The following ANKS1B variants were observed in gnomAD, a reference collection of about 807,000 sequenced individuals.
The protein encoded by ANKS1B is ankyrin repeat and sterile alpha motif domain-containing protein 1B.
In ANKS1B, 36 loss-of-function variants were observed where a neutral mutation model predicts 148.3. The ratio of observed to expected loss-of-function variants is 0.24; its 90% CI spans 0.19 to 0.32. The LOEUF is 0.32. ANKS1B is among the 10% of genes least tolerant of loss of function. The pLI is 1.00. For synonymous variants in ANKS1B, 542 were observed against 560.8 expected (o/e 0.97, Z 0.47); for missense variants, 1,157 against 1,542.6 (o/e 0.75, Z 4.19).
intron 10 of ANKS1B, among the ~76,000 whole-genome samples, chr12:99,468,911 A>G: frequency 6.6e-6 from 1 of 152,054 alleles, no homozygotes; most frequent in East Asian, 1.9e-4. Flanking sequence ...AACTAGAAAT[A>G]CCATTTGACC....
rs985230200 is a variant in ANKS1B at position 99,281,821 on chromosome 12, TAAAC to T, written c.1757-34961_1757-34958del. Among the ~76,000 whole-genome samples the T allele has an allele frequency of 4.6e-5, 7 of 152,286 alleles. No individual in the cohort carries two copies. In the South Asian group the frequency reaches 6.2e-4, roughly 14 times the overall value. Reference sequence around the variant, plus strand: ...CATCACTATTAATTAATTCATCAATTAAACAAGTGTGTACTGAGAACCTACTAAA... The same window carrying T: ...CATCACTATTAATTAATTCATCAATTAAGTGTGTACTGAGAACCTACTAAA... On this transcript the variant is annotated intron_variant, in intron 12 of 26. Transcript: ENST00000683438.
At chr12:99,449,939 CTAT>C in intron 10 of ANKS1B, among the ~76,000 whole-genome samples, 1 of 105,470 alleles carries the variant, frequency 9.5e-6, no homozygotes, top group Non-Finnish European at 2.0e-5. Context: ...ATCTATCTAT[CTAT>C]CTATCTAGAC....
At chr12:99,843,845 A>G (rs574686838) in intron 1 of ANKS1B, among the ~76,000 whole-genome samples, 31 of 152,198 alleles carry the variant, frequency 2.0e-4, no homozygotes, top group African/African-American at 7.5e-4. Flanking sequence ...GTCTTCCACA[A>G]TGTTGAACTA....
intron 14 of ANKS1B, among the ~76,000 whole-genome samples, chr12:99,217,060 G>A (rs753508778): frequency 6.6e-6 from 1 of 152,120 alleles, no homozygotes; most frequent in Non-Finnish European, 1.5e-5. Context: ...AATAACATGG[G>A]CCCTGATGAT....
At chr12:99,408,633 G>C (rs11830087) in intron 11 of ANKS1B, among the ~76,000 whole-genome samples, 2,912 of 145,384 alleles carry the variant, frequency 0.02, 514 homozygotes, top group African/African-American at 0.072. Flanking sequence ...TATGTAAGGA[G>C]ATCAAAAAAC....
intron 8 of ANKS1B, among the ~76,000 whole-genome samples, chr12:99,705,112 A>G (rs1395903033): frequency 1.3e-5 from 2 of 152,128 alleles, no homozygotes; most frequent in Admixed American, 1.3e-4. Context: ...AGAATAGGTG[A>G]ATAAAAAGGC....
At chr12:99,260,110 G>C (rs190046047) in intron 12 of ANKS1B, among the ~76,000 whole-genome samples, 20 of 152,286 alleles carry the variant, frequency 1.3e-4, no homozygotes, top group Admixed American at 1.2e-3. Context: ...TTGTTTTCAA[G>C]AGTGTTGGTC....
chr12:98,871,610 A>T lies in ANKS1B; in HGVS notation c.2779-39474T>A, dbSNP rs369912274. ...ATTACTAATGAGTGAAAATAAAAAG[A>T]CATTTCAAAGTCTTTCATATTTAAC... On this transcript the variant is annotated intron_variant, in intron 17 of 26. Transcript: ENST00000683438. Among the ~76,000 whole-genome samples, 177 of 152,356 alleles carry T rather than the reference A, an allele frequency of 1.2e-3. 3 individuals carry two copies. The South Asian group carries it at 0.035, about 30-fold the overall frequency.
rs181328937 is a variant in ANKS1B at position 99,653,036 on chromosome 12, G to A, written c.1272+2031C>T. ...GACAAAAAGAAAAGCTGCAGACTGG[G>A]AAAGATTTTGTGGTAAATGTAACTA... On this transcript the variant is annotated intron_variant, in intron 9 of 26. Coordinates refer to ENST00000683438, the MANE Select transcript of ANKS1B (RefSeq NM_001352186.2). Among the ~76,000 whole-genome samples, 38 of 152,200 alleles carry A rather than the reference G, an allele frequency of 2.5e-4. 1 individual carries two copies. The highest frequency in any genetic ancestry group is 2.0e-3 in the Admixed American group (30 of 15,280).
In ANKS1B at chr12:99,984,599, G is replaced by A. The variant is rs568896592; in HGVS notation, c.-362C>T. 3.3e-5 allele frequency: 6 copies of A among 184,436 alleles called. No individual in the cohort carries two copies. In the East Asian group the frequency reaches 8.3e-4, roughly 26 times the overall value. 11.4% of individuals were successfully genotyped at this position (184,436 alleles called of 1,614,324 possible). A position where few individuals can be genotyped will look rare whatever the true frequency, so the allele number is the denominator to read the frequency against. On this transcript the variant is annotated 5_prime_UTR_variant, in exon 1 of 27. Coordinates refer to ENST00000683438, the MANE Select transcript of ANKS1B (RefSeq NM_001352186.2). ...GCGGGAGGAGGGTGGTGAGGACTGA[G>A]GTCGGAGGAGGAGGAGGAGGCGGCA...
intron 17 of ANKS1B, among the ~76,000 whole-genome samples, chr12:98,945,705 G>A (rs762988518): frequency 3.3e-5 from 5 of 151,904 alleles, no homozygotes; most frequent in African/African-American, 4.8e-5. Context: ...TATTTACTGC[G>A]TGAATATGGA....
chr12:99,538,772 T>C (rs1315357998), intron 9 of ANKS1B, among the ~76,000 whole-genome samples: 2 of 152,168 alleles, frequency 1.3e-5, no homozygotes, highest in Non-Finnish European at 2.9e-5. Flanking sequence ...CTTCCAGTAC[T>C]ACGTTGAATA....
At chr12:99,773,541 T>A (rs966029409) in intron 7 of ANKS1B, among the ~76,000 whole-genome samples, 1 of 152,102 alleles carries the variant, frequency 6.6e-6, no homozygotes, top group Non-Finnish European at 1.5e-5. Context: ...AGGTAATCAG[T>A]ACCTTAAGAA....
intron 1 of ANKS1B, among the ~76,000 whole-genome samples, chr12:99,876,623 G>A (rs187746759): frequency 1.6e-4 from 24 of 151,862 alleles, no homozygotes; most frequent in East Asian, 7.8e-4. Context: ...CCAGCTACTC[G>A]GGAGGCTGAG....
At chr12:98,909,665 T>C (rs973336698) in intron 17 of ANKS1B, among the ~76,000 whole-genome samples, 1 of 152,182 alleles carries the variant, frequency 6.6e-6, no homozygotes, top group African/African-American at 2.4e-5. Flanking sequence ...AAAAAATATA[T>C]AGCATAACTC....
At chr12:99,293,666 G>C (rs2154012523) in intron 12 of ANKS1B, among the ~76,000 whole-genome samples, 1 of 152,208 alleles carries the variant, frequency 6.6e-6, no homozygotes, top group East Asian at 1.9e-4. Context: ...AGTGAAAATG[G>C]ACAAATGGGA....
At chr12:99,369,791 T>TAGATAGATAGATAGATGGACGGAC (rs879173702) in intron 12 of ANKS1B, among the ~76,000 whole-genome samples, 1 of 148,770 alleles carries the variant, frequency 6.7e-6, no homozygotes, top group East Asian at 2.0e-4. Flanking sequence ...GATAGATAGA[T>TAGATAGATAGATAGATGGACGGAC]GGACGGACGG....
chr12:99,329,974 T>G (rs1045821018), intron 12 of ANKS1B, among the ~76,000 whole-genome samples: 1 of 151,936 alleles, frequency 6.6e-6, no homozygotes, highest in African/African-American at 2.4e-5. Flanking sequence ...TGTCCTAAAC[T>G]TGCATCTATT....
chr12:99,747,408 C>T (rs547856631), intron 8 of ANKS1B, among the ~76,000 whole-genome samples: 4 of 151,978 alleles, frequency 2.6e-5, no homozygotes, highest in Non-Finnish European at 5.9e-5. Flanking sequence ...TCCTTCCTGA[C>T]CACCCCAATC....
Sources: gnomAD v4.1 joint callset for allele counts (sites outside exome capture counted in the v4.1 genomes callset) on GRCh38, gnomAD v4.1.1 for gene constraint, MANE v1.5 for transcripts, NCBI Gene and HGNC (gene_info 2026-07-23, HGNC 2026-07-21) for gene names.